The following ARID5B variants were observed in gnomAD, a reference collection of about 807,000 sequenced individuals.
The protein encoded by ARID5B is AT-rich interaction domain 5B.
Under a neutral mutation model 97.2 loss-of-function variants are expected in ARID5B, and 13 were observed. The observed-to-expected ratio is 0.13, with a 90% confidence interval of 0.09 to 0.21. The LOEUF (loss-of-function observed/expected upper bound fraction) is 0.21. Ranked by LOEUF, ARID5B falls within the 10% of genes least tolerant of loss-of-function variation. The probability of loss-of-function intolerance (pLI) is 1.00; values close to 1 mark genes in which losing one functional copy is unlikely to be tolerated. For missense variants in ARID5B, 1,210 were observed against 1,465.3 expected (o/e 0.83, Z 2.84); for synonymous variants, 556 against 570.3 (o/e 0.97, Z 0.36).
Position 62,070,387 on chromosome 10 carries a change from A to G in ARID5B, c.1199+590A>G, listed in dbSNP as rs1376779929. On this transcript the variant is annotated intron_variant, in intron 8 of 9. Coordinates refer to ENST00000279873, the MANE Select transcript of ARID5B (RefSeq NM_032199.3). ...AATTAGCCTACTATGTTGCATCCACAGGAGTGGATTTCCCGTTTGCATTAG... is the reference window on the plus strand; with the variant it reads ...AATTAGCCTACTATGTTGCATCCACGGGAGTGGATTTCCCGTTTGCATTAG... Among the ~76,000 whole-genome samples, 4 of 152,236 alleles carry G rather than the reference A, an allele frequency of 2.6e-5. No homozygotes were observed. The South Asian group carries it at 8.3e-4, about 31-fold the overall frequency.
chr10:62,028,830 G>A (rs1003789914), intron 4 of ARID5B, among the ~76,000 whole-genome samples: 10 of 151,894 alleles, frequency 6.6e-5, no homozygotes, highest in East Asian at 1.9e-4. Context: ...GCATGGTGGC[G>A]CATGCCTGTA....
At position 62,092,335 on chromosome 10, in the gene ARID5B, T is replaced by C; in HGVS notation, c.2872T>C (p.Ser958Pro). ...RDCHPKACRV[S>P]PMTMSGPKKY... ...CTGTCACCCCAAAGCCTGTCGGGTA[T>C]CACCCATGACCATGTCAGGCCCTAA... The change falls in exon 10 of 10, where the codon TCA becomes CCA. Residue 958 changes from serine to proline, a missense_variant. Physicochemically the swap from Ser to Pro is moderately conservative, Grantham distance 74. Transcript: ENST00000279873. 6.2e-7 allele frequency: 1 copy of C among 1,613,526 alleles called. No individual in the cohort carries two copies. Among genetic ancestry groups the C allele is most frequent in the Non-Finnish European group, 8.5e-7 (1 of 1,179,750 alleles).
intron 4 of ARID5B, among the ~76,000 whole-genome samples, chr10:62,012,526 C>A (rs567989203): frequency 2.0e-5 from 3 of 152,246 alleles, no homozygotes; most frequent in South Asian, 2.1e-4. Flanking sequence ...CAGAGCGAGA[C>A]CCTGTCTCTA....
At chr10:62,001,215 C>A (rs558633734) in intron 4 of ARID5B, among the ~76,000 whole-genome samples, 1 of 145,698 alleles carries the variant, frequency 6.9e-6, no homozygotes, top group Non-Finnish European at 1.5e-5. Context: ...CCTGGGGTAG[C>A]CTTATCAAAC....
intron 3 of ARID5B, among the ~76,000 whole-genome samples, chr10:61,984,637 C>T (rs1173176202): frequency 1.3e-5 from 2 of 152,198 alleles, no homozygotes; most frequent in African/African-American, 4.8e-5. Context: ...CCAATATATC[C>T]TCCACTCTTG....
chr10:62,076,843 G>T (rs1840144278), intron 8 of ARID5B, among the ~76,000 whole-genome samples: 2 of 152,098 alleles, frequency 1.3e-5, no homozygotes, highest in African/African-American at 2.4e-5. Context: ...TCCATGGTAA[G>T]GTTACCCAGT....
At chr10:61,967,909 C>T (rs147023975) in intron 3 of ARID5B, among the ~76,000 whole-genome samples, 474 of 152,128 alleles carry the variant, frequency 3.1e-3, no homozygotes, top group African/African-American at 0.011. Context: ...ATGCTTGTCG[C>T]ATTCTTGTAG....
At chr10:62,027,285 C>CTT (rs777291593) in intron 4 of ARID5B, among the ~76,000 whole-genome samples, 11 of 67,402 alleles carry the variant, frequency 1.6e-4, no homozygotes, top group African/African-American at 4.6e-4. Flanking sequence ...ACAGTATCTC[C>CTT]TTTTTTTTTT....
chr10:62,004,595 A>G (rs1288645837), intron 4 of ARID5B, among the ~76,000 whole-genome samples: 1 of 152,092 alleles, frequency 6.6e-6, no homozygotes, highest in Non-Finnish European at 1.5e-5. Flanking sequence ...TTCTCCAACA[A>G]CCCCTACCTT....
Position 62,091,306 on chromosome 10 carries a change from A to G in ARID5B, c.1843A>G (p.Lys615Glu). The change falls in exon 10 of 10, where the codon AAA becomes GAA. Residue 615 changes from lysine (K) to glutamate (E), a missense_variant. Lys to Glu is a moderately conservative substitution (Grantham distance 56, BLOSUM62 1). Transcript: ENST00000279873. ...LANQNETEDD[K>E]LPAMADYIAN... ...AAACCAGAATGAGACGGAGGATGAC[A>G]AACTGCCCGCCATGGCAGATTACAT... 1 of 1,614,232 alleles carries G rather than the reference A, an allele frequency of 6.2e-7. No individual in the cohort carries two copies.
chr10:62,037,605 C>T (rs1282385722), intron 4 of ARID5B, among the ~76,000 whole-genome samples: 2 of 152,184 alleles, frequency 1.3e-5, no homozygotes, highest in African/African-American at 4.8e-5. Flanking sequence ...TGTGTAAACG[C>T]CCTGTGCTTA....
chr10:62,011,396 T>C (rs768798424), intron 4 of ARID5B, among the ~76,000 whole-genome samples: 2 of 152,202 alleles, frequency 1.3e-5, no homozygotes, highest in Non-Finnish European at 2.9e-5. Context: ...GCAAGTACCA[T>C]GCTCTAGAGA....
chr10:61,904,059 G>A (rs545516632), intron 2 of ARID5B, among the ~76,000 whole-genome samples: 125 of 22,286 alleles, frequency 5.6e-3, no homozygotes, highest in African/African-American at 0.02. Flanking sequence ...CCCCTCCCCC[G>A]ACCCAACTTT....
At chr10:62,004,974 A>T (rs1468658162) in intron 4 of ARID5B, among the ~76,000 whole-genome samples, 1 of 152,244 alleles carries the variant, frequency 6.6e-6, no homozygotes. Flanking sequence ...TGGTTGACTT[A>T]AAAAAGAGAT....
intron 8 of ARID5B, among the ~76,000 whole-genome samples, chr10:62,084,926 T>A (rs1278766788): frequency 6.6e-6 from 1 of 152,088 alleles, no homozygotes; most frequent in Non-Finnish European, 1.5e-5. Flanking sequence ...CCTAGTGGAG[T>A]CCCCTACCCC....
chr10:61,973,697 A>G (rs1482044744), intron 3 of ARID5B, among the ~76,000 whole-genome samples: 1 of 152,206 alleles, frequency 6.6e-6, no homozygotes, highest in Admixed American at 6.5e-5. Flanking sequence ...TTTACCAGCC[A>G]TTGTGGAGCT....
At chr10:62,083,823 C>T (rs781281142) in intron 8 of ARID5B, among the ~76,000 whole-genome samples, 6 of 152,106 alleles carry the variant, frequency 3.9e-5, no homozygotes, top group Non-Finnish European at 8.8e-5. Context: ...GGATAAAGTC[C>T]CTGGCAGAAC....
At chr10:61,913,803 G>A (rs1426639651) in intron 2 of ARID5B, among the ~76,000 whole-genome samples, 1 of 152,202 alleles carries the variant, frequency 6.6e-6, no homozygotes, top group Non-Finnish European at 1.5e-5. Flanking sequence ...CCAGGCTGGA[G>A]TACAATGGCG....
At chr10:61,992,848 C>T (rs1024325521) in intron 3 of ARID5B, among the ~76,000 whole-genome samples, 6 of 152,018 alleles carry the variant, frequency 3.9e-5, no homozygotes, top group East Asian at 1.9e-4. Flanking sequence ...CTTACTGTGT[C>T]GAGAATTACA....
Sources: allele counts gnomAD v4.1 joint callset (sites outside exome capture counted in the v4.1 genomes callset), GRCh38; gene constraint gnomAD v4.1.1; transcripts MANE v1.5; gene names NCBI Gene and HGNC (gene_info 2026-07-23, HGNC 2026-07-21).